The following WDR6 variants were observed in gnomAD, a reference collection of about 807,000 sequenced individuals.
WDR6 encodes the protein tRNA (34-2'-O)-methyltransferase regulator WDR6.
WDR6 carries 58 observed loss-of-function variants against 85.6 expected under a neutral mutation model. That is an observed-to-expected ratio of 0.68 (90% CI 0.55 to 0.84). The LOEUF (loss-of-function observed/expected upper bound fraction) is 0.84, where lower values mean the gene tolerates loss of function less well. WDR6 is among the 40% of genes least tolerant of loss of function. The pLI, the probability that WDR6 is intolerant of heterozygous loss-of-function variation, is 0.00. For synonymous variants in WDR6, 569 were observed against 582.2 expected (o/e 0.98, Z 0.33); for missense variants, 1,310 against 1,476.4 (o/e 0.89, Z 1.85).
chr3:49,014,335 A>G lies in WDR6; in HGVS notation c.2666+42A>G. The G allele has an allele frequency of 6.2e-7, 1 of 1,614,004 alleles. No individual in the cohort carries two copies. On this transcript the variant is annotated intron_variant, in intron 3 of 5. Transcript: ENST00000608424. The surrounding 1 kb of genome is among the most constrained non-coding windows in gnomAD (Gnocchi z 4.9). ...CAGTGGGACAGGAGACAAAGGAAGT[A>G]AGGTTGTCTAGGATGCGTTCTGAGC... is the stretch of plus-strand genomic sequence containing the variant.
rs1269767058 is a variant in WDR6, at chr3:49,014,436, T to G, written c.2720T>G (p.Phe907Cys). 8 of 1,614,110 alleles carry G rather than the reference T, an allele frequency of 5.0e-6. No homozygotes were observed. The highest frequency in any genetic ancestry group is 6.8e-6 in the Non-Finnish European group (8 of 1,180,016). Residue 907 changes from phenylalanine to cysteine, a missense_variant, in exon 4 of 6, where the codon TTC becomes TGC. Transcript: ENST00000608424. The surrounding 1 kb of genome is among the most constrained non-coding windows in gnomAD (Gnocchi z 4.9). The part of the protein sequence containing the change: ...GRILQLLAET[F>C]HHKRCVLKVH... ...ATTCTGCAGCTCCTTGCTGAAACCTTCCACCATAAGCGATGTGTCCTCAAG... is the reference window on the plus strand; with the variant it reads ...ATTCTGCAGCTCCTTGCTGAAACCTGCCACCATAAGCGATGTGTCCTCAAG...
At chr3:49,010,420 G>A (rs2093008177) in intron 1 of WDR6, among the ~76,000 whole-genome samples, 1 of 149,176 alleles carries the variant, frequency 6.7e-6, no homozygotes, top group South Asian at 2.1e-4. Context: ...AAAAAAAAGA[G>A]TGACTGATGA....
At chr3:49,011,377 C>T (rs1055732634) in intron 1 of WDR6, 1 of 1,336,220 alleles carries the variant, frequency 7.5e-7, no homozygotes, top group East Asian at 3.2e-5. Context: ...CCGTGCCTGG[C>T]CGAGACCAAG....
chr3:49,013,420 T>C lies in WDR6; in HGVS notation c.1886T>C (p.Ile629Thr). 1.2e-6 allele frequency: 2 copies of C among 1,614,192 alleles called. No homozygotes were observed. Among genetic ancestry groups the C allele is most frequent in the Non-Finnish European group, 1.7e-6 (2 of 1,180,022 alleles). ...LRIVPDGSMVILGFHANEFVV... is the reference protein window; with the variant it reads ...LRIVPDGSMVTLGFHANEFVV... ...ATAGTGCCCGATGGGAGCATGGTTA[T>C]CCTGGGTTTCCATGCCAATGAGTTT... Residue 629 changes from isoleucine (I) to threonine (T), a missense_variant, in exon 2 of 6, where the codon ATC (isoleucine) becomes ACC (threonine). Physicochemically the swap from Ile to Thr is moderately conservative, Grantham distance 89. Transcript: ENST00000608424. This position sits in a 1 kb window ranked among gnomAD's most constrained non-coding sequence, Gnocchi z 4.6.
chr3:49,011,678 G>T lies in WDR6; in HGVS notation c.144G>T (p.Gly48=). The part of the protein sequence containing the change: ...DVLVYSLDFG[G]HLRMIKRVQN... ...TGGTGTACAGCTTGGACTTTGGTGG[G>T]CATCTGCGGATGATAAAGCGAGTGC... is the stretch of plus-strand genomic sequence containing the variant. Residue 48 remains glycine, a synonymous_variant, in exon 2 of 6, where the codon GGG becomes GGT. Coordinates refer to ENST00000608424, the MANE Select transcript of WDR6 (RefSeq NM_018031.6). The T allele has an allele frequency of 6.2e-7, 1 of 1,614,150 alleles. No homozygotes were observed. The highest frequency in any genetic ancestry group is 8.5e-7 in the Non-Finnish European group (1 of 1,180,024).
Position 49,013,003 on chromosome 3 carries a change from A to G in WDR6, c.1469A>G (p.Lys490Arg), listed in dbSNP as rs369833989. 33 of 1,613,678 alleles carry G rather than the reference A, an allele frequency of 2.0e-5. 1 individual carries two copies. Among genetic ancestry groups the G allele is most frequent in the Non-Finnish European group, 2.8e-5 (33 of 1,179,900 alleles). ...ERCRYLLPPS[K>R]QRWHTCSAFL... ...TGTCGGTACCTGCTGCCCCCAAGCA[A>G]GCAGAGATGGCACACATGCAGTGCC... The change falls in exon 2 of 6, where the codon AAG becomes AGG. Residue 490 changes from lysine to arginine, a missense_variant. Transcript: ENST00000608424. This position sits in a 1 kb window ranked among gnomAD's most constrained non-coding sequence, Gnocchi z 4.6.
Position 49,007,595 on chromosome 3 carries a change from G to T in WDR6, c.100+64G>T. ...AAAGAAACAGCGCCTCCCAGGGGCG[G>T]TGCCACAGGGACAAAAGGGGTGCCC... On this transcript the variant is annotated intron_variant, in intron 1 of 5. Transcript: ENST00000608424. This position sits in a 1 kb window ranked among gnomAD's most constrained non-coding sequence, Gnocchi z 5.1. 3 of 1,515,352 alleles carry T rather than the reference G, an allele frequency of 2.0e-6. No homozygotes were observed. The highest frequency in any genetic ancestry group is 1.4e-5 in the African/African-American group (1 of 72,954). 93.9% of individuals were successfully genotyped at this position (1,515,352 alleles called of 1,614,324 possible).
chr3:49,012,887 C>T lies in WDR6; in HGVS notation c.1353C>T (p.Leu451=), dbSNP rs1229481689. The stretch of plus-strand genomic sequence containing the variant: ...GGGCCCTGCGTGGTTATGAGGAGCT[C>T]CTGTTGCTGGCATCGGGCCCTGGCG... ...LSWALRGYEE[L]LLLASGPGGV... is the part of the protein sequence containing the mutation. The change falls in exon 2 of 6, where the codon CTC becomes CTT. Residue 451 remains leucine (L), a synonymous_variant. Coordinates refer to ENST00000608424, the MANE Select transcript of WDR6 (RefSeq NM_018031.6). The surrounding 1 kb of genome is among the most constrained non-coding windows in gnomAD (Gnocchi z 4.4). The T allele has an allele frequency of 4.3e-6, 7 of 1,613,728 alleles. No individual in the cohort carries two copies. The South Asian group carries it at 4.4e-5, about 10-fold the overall frequency.
In WDR6 at chr3:49,013,911, G is replaced by C; in HGVS notation, c.2377G>C (p.Asp793His). Residue 793 changes from aspartate to histidine, a missense_variant, in exon 2 of 6, where the codon GAT becomes CAT. By Grantham distance (81) the Asp-to-His change is moderately conservative. Coordinates refer to ENST00000608424, the MANE Select transcript of WDR6 (RefSeq NM_018031.6). This position sits in a 1 kb window ranked among gnomAD's most constrained non-coding sequence, Gnocchi z 4.6. ...CATTGGCACCCCAGGTGGCCCTCAG[G>C]ATCCTCAGCCAGGCCTGACTGCCCA... ...WGIGTPGGPQDPQPGLTAHVV... is the reference protein window; with the variant it reads ...WGIGTPGGPQHPQPGLTAHVV... 6.2e-7 allele frequency: 1 copy of C among 1,613,658 alleles called. No individual in the cohort carries two copies. The highest frequency in any genetic ancestry group is 8.5e-7 in the Non-Finnish European group (1 of 1,179,992).
chr3:49,012,133 C>G lies in WDR6; in HGVS notation c.599C>G (p.Ala200Gly). 1.9e-6 allele frequency: 3 copies of G among 1,614,184 alleles called. No homozygotes were observed. Among genetic ancestry groups the G allele is most frequent in the Non-Finnish European group, 2.5e-6 (3 of 1,180,048 alleles). Residue 200 changes from alanine (A) to glycine (G), a missense_variant, in exon 2 of 6, where the codon GCA becomes GGA. Coordinates refer to ENST00000608424, the MANE Select transcript of WDR6 (RefSeq NM_018031.6). The surrounding 1 kb of genome is among the most constrained non-coding windows in gnomAD (Gnocchi z 4.4). ...ATALADNKPV[A>G]PDRRISGHVG... ...GCCTTAGCAGACAACAAACCTGTAG[C>G]ACCTGACCGACGAATCAGTGGGCAT...
chr3:49,013,204 T>A lies in WDR6; in HGVS notation c.1670T>A (p.Leu557Ter). ...GGGGGTGGGAATGCTTTCACTGGGT[T>A]GGGCCCAGTGTCTACCCTGCCCTCT... ...SSGGGNAFTG[L>*]GPVSTLPSLH... The change falls in exon 2 of 6, where the codon TTG becomes TAG. Residue 557 changes from leucine (L) to a stop codon, truncating the protein, a stop_gained. Coordinates refer to ENST00000608424, the MANE Select transcript of WDR6 (RefSeq NM_018031.6). LOFTEE classifies it high-confidence loss of function. The surrounding 1 kb of genome is among the most constrained non-coding windows in gnomAD (Gnocchi z 4.6). 3 of 1,613,692 alleles carry A rather than the reference T, an allele frequency of 1.9e-6. No homozygotes were observed. Among genetic ancestry groups the A allele is most frequent in the Non-Finnish European group, 2.5e-6 (3 of 1,179,882 alleles).
In WDR6 at chr3:49,013,575, C is replaced by T. The variant is rs2093030231; in HGVS notation, c.2041C>T (p.Leu681=). The T allele has an allele frequency of 6.2e-7, 1 of 1,613,936 alleles. No individual in the cohort carries two copies. The highest frequency in any genetic ancestry group is 8.5e-7 in the Non-Finnish European group (1 of 1,180,014). The part of the protein sequence containing the change: ...FAYLKDGDVM[L]YRALGGCTRP... ...TTACCTCAAGGATGGGGATGTCATG[C>T]TGTACAGGGCTCTGGGTGGCTGCAC... is the stretch of plus-strand genomic sequence containing the variant. The change falls in exon 2 of 6, where the codon CTG becomes TTG. Residue 681 remains leucine, a synonymous_variant. Coordinates refer to ENST00000608424, the MANE Select transcript of WDR6 (RefSeq NM_018031.6). This position sits in a 1 kb window ranked among gnomAD's most constrained non-coding sequence, Gnocchi z 4.6.
At position 49,012,483 on chromosome 3, in the gene WDR6, G is replaced by T. The variant is rs2106695707; in HGVS notation, c.949G>T (p.Gly317Cys). The change falls in exon 2 of 6, where the codon GGT becomes TGT. Residue 317 changes from glycine (G) to cysteine (C), a missense_variant. Transcript: ENST00000608424. This position sits in a 1 kb window ranked among gnomAD's most constrained non-coding sequence, Gnocchi z 4.4. ...GAGGCAGGCCTGGGTGATCACTGGG[G>T]GTGATGACTCAGGCATTCGGCTGTG... ...HERQAWVITG[G>C]DDSGIRLWHL... 6.2e-7 allele frequency: 1 copy of T among 1,614,162 alleles called. No homozygotes were observed. The highest frequency in any genetic ancestry group is 2.2e-5 in the East Asian group (1 of 44,870).
intron 1 of WDR6, among the ~76,000 whole-genome samples, chr3:49,010,966 G>A (rs2093010992): frequency 6.6e-6 from 1 of 150,760 alleles, no homozygotes; most frequent in South Asian, 2.1e-4. Flanking sequence ...GCAGTGAGCT[G>A]CACGGTGCCA....
intron 1 of WDR6, among the ~76,000 whole-genome samples, chr3:49,009,309 CCA>C (rs879651128): frequency 0.11 from 2,777 of 24,732 alleles, 10 homozygotes; most frequent in Middle Eastern, 0.15. Flanking sequence ...CCATTGCTCC[CCA>C]CCCCCCCCCC....
At position 49,012,822 on chromosome 3, in the gene WDR6, G is replaced by A. The variant is rs751627797; in HGVS notation, c.1288G>A (p.Asp430Asn). The change falls in exon 2 of 6, where the codon GAC becomes AAC. Residue 430 changes from aspartate (D) to asparagine (N), a missense_variant. Physicochemically the swap from Asp to Asn is conservative, Grantham distance 23 (BLOSUM62 1). Transcript: ENST00000608424. The surrounding 1 kb of genome is among the most constrained non-coding windows in gnomAD (Gnocchi z 4.4). ...VPINTPTAAVDQTLFPGKVHS... is the reference protein window; with the variant it reads ...VPINTPTAAVNQTLFPGKVHS... ...CATCAACACTCCAACTGCTGCTGTG[G>A]ACCAGACCCTGTTTCCTGGGAAGGT... 3 of 1,613,914 alleles carry A rather than the reference G, an allele frequency of 1.9e-6. No homozygotes were observed.
At position 49,015,919 on chromosome 3, in the gene WDR6, C is replaced by A; in HGVS notation, c.*631C>A. On this transcript the variant is annotated 3_prime_UTR_variant, in exon 6 of 6. Coordinates refer to ENST00000608424, the MANE Select transcript of WDR6 (RefSeq NM_018031.6). ...CTGGCCCATCTCTTTGCTCTTGTGC[C>A]CCAGGCCAGAATAAAGAATAGAGTG... The A allele has an allele frequency of 1.2e-6, 2 of 1,614,134 alleles. No homozygotes were observed. The highest frequency in any genetic ancestry group is 1.7e-6 in the Non-Finnish European group (2 of 1,180,036).
chr3:49,014,479 C>A lies in WDR6; in HGVS notation c.2763C>A (p.His921Gln). 2.5e-6 allele frequency: 4 copies of A among 1,614,146 alleles called. No homozygotes were observed. The highest frequency in any genetic ancestry group is 3.4e-6 in the Non-Finnish European group (4 of 1,180,014). ...TCCTCAAGGTCCACTCCTTTACACA[C>A]GAGGCACCCAACCAGAGGCGGTGAG... ...RCVLKVHSFTHEAPNQRRRLL... is the reference protein window; with the variant it reads ...RCVLKVHSFTQEAPNQRRRLL... The change falls in exon 4 of 6, where the codon CAC (histidine) becomes CAA (glutamine). Residue 921 changes from histidine to glutamine, a missense_variant. Transcript: ENST00000608424. This position sits in a 1 kb window ranked among gnomAD's most constrained non-coding sequence, Gnocchi z 4.9.
In WDR6 at chr3:49,013,780, A is replaced by G. The variant is rs1468137294; in HGVS notation, c.2246A>G (p.Asp749Gly). ...LTDIVITCSEDTTVCVLALPT... is the reference protein window; with the variant it reads ...LTDIVITCSEGTTVCVLALPT... Reference sequence around the variant, plus strand: ...GACATTGTGATCACATGTAGTGAGGACACTACTGTCTGTGTCCTAGCACTC... The same window carrying G: ...GACATTGTGATCACATGTAGTGAGGGCACTACTGTCTGTGTCCTAGCACTC... The change falls in exon 2 of 6, where the codon GAC becomes GGC. Residue 749 changes from aspartate (D) to glycine (G), a missense_variant. Transcript: ENST00000608424. The surrounding 1 kb of genome is among the most constrained non-coding windows in gnomAD (Gnocchi z 4.6). The G allele has an allele frequency of 1.2e-6, 2 of 1,614,040 alleles. No individual in the cohort carries two copies. The highest frequency in any genetic ancestry group is 1.7e-5 in the Admixed American group (1 of 60,014).
Sources: gnomAD v4.1 joint callset for allele counts (sites outside exome capture counted in the v4.1 genomes callset) on GRCh38, gnomAD v4.1.1 for gene constraint, Gnocchi (gnomAD v3.1) non-coding constraint, MANE v1.5 for transcripts, NCBI Gene and HGNC (gene_info 2026-07-23, HGNC 2026-07-21) for gene names.